Variants in ARHGEF3 observed in about 807,000 individuals in gnomAD.
ARHGEF3 encodes 59.8 kDA protein.
In ARHGEF3, 28 loss-of-function variants were observed where a neutral mutation model predicts 63.2. The observed-to-expected ratio is 0.44, with a 90% confidence interval of 0.33 to 0.61. The LOEUF (loss-of-function observed/expected upper bound fraction) is 0.61. Among genes scored for constraint, ARHGEF3 ranks in the 20% least tolerant of loss-of-function variants. The pLI, the probability that ARHGEF3 is intolerant of heterozygous loss-of-function variation, is 0.03. For synonymous variants in ARHGEF3, 266 were observed against 254.2 expected (o/e 1.05, Z -0.44); for missense variants, 533 against 659.3 (o/e 0.81, Z 2.10).
intron 4 of ARHGEF3, among the ~76,000 whole-genome samples, chr3:56,864,167 T>A (rs958601095): frequency 1.2e-4 from 18 of 152,104 alleles, no homozygotes. Flanking sequence ...GCCTAACACA[T>A]CCCCTTCCTA....
intron 1 of ARHGEF3, among the ~76,000 whole-genome samples, chr3:57,044,323 G>T (rs1367511069): frequency 6.6e-6 from 1 of 152,238 alleles, no homozygotes; most frequent in Non-Finnish European, 1.5e-5. Flanking sequence ...GTCCACTTGG[G>T]GGGGTTGGCC....
intron 2 of ARHGEF3, among the ~76,000 whole-genome samples, chr3:57,001,606 G>C (rs1228461115): frequency 1.3e-5 from 2 of 152,190 alleles, no homozygotes; most frequent in Non-Finnish European, 2.9e-5. Context: ...TGGGATTCCT[G>C]AAAGACTTTG....
At chr3:56,862,676 A>G (rs1371690228) in intron 4 of ARHGEF3, among the ~76,000 whole-genome samples, 5 of 152,014 alleles carry the variant, frequency 3.3e-5, no homozygotes, top group Non-Finnish European at 7.4e-5. Context: ...CTGCCATTAG[A>G]TTTTTTATTT....
intron 4 of ARHGEF3, among the ~76,000 whole-genome samples, chr3:56,880,135 G>C (rs2040718196): frequency 2.0e-5 from 3 of 152,170 alleles, no homozygotes. Flanking sequence ...ATAAATGGTG[G>C]AAACTCAGCC....
At position 56,729,148 on chromosome 3, in the gene ARHGEF3, G is replaced by A; in HGVS notation, c.*122C>T. 1.2e-6 allele frequency: 1 copy of A among 821,548 alleles called. No homozygotes were observed. The highest frequency in any genetic ancestry group is 1.9e-6 in the Non-Finnish European group (1 of 536,058). The allele number at this position is 821,548 out of a possible 1,614,324, so 50.9% of individuals were successfully genotyped here. A position where few individuals can be genotyped will look rare whatever the true frequency, so the allele number is the denominator to read the frequency against. On this transcript the variant is annotated 3_prime_UTR_variant, in exon 10 of 10. Transcript: ENST00000296315. Reference sequence around the variant, plus strand: ...GACAAAGGTACAGATACGAGAGACTGGGCCAACATGTATACTTTCACAAAA... The same window carrying A: ...GACAAAGGTACAGATACGAGAGACTAGGCCAACATGTATACTTTCACAAAA...
upstream of ARHGEF3, among the ~76,000 whole-genome samples, chr3:56,804,005 C>T (rs7628700): frequency 0.43 from 65,361 of 151,498 alleles, 16,985 homozygotes; most frequent in Non-Finnish European, 0.56. Flanking sequence ...CCACCTCAGC[C>T]TCCCAAGTAG....
At chr3:56,817,037 C>T (rs1461121685) in intron 4 of ARHGEF3, among the ~76,000 whole-genome samples, 1 of 152,092 alleles carries the variant, frequency 6.6e-6, no homozygotes, top group Non-Finnish European at 1.5e-5. Flanking sequence ...GGTGTCAACC[C>T]CAAGTGCTAG....
At chr3:56,989,836 C>T (rs1450653404) in intron 2 of ARHGEF3, among the ~76,000 whole-genome samples, 1 of 152,204 alleles carries the variant, frequency 6.6e-6, no homozygotes, top group Non-Finnish European at 1.5e-5. Flanking sequence ...ACCCCTTCAT[C>T]ACTTCACAGC....
chr3:56,843,376 C>T (rs1429052592), intron 4 of ARHGEF3, among the ~76,000 whole-genome samples: 3 of 152,160 alleles, frequency 2.0e-5, no homozygotes, highest in Non-Finnish European at 2.9e-5. Context: ...CCCCCTGCCT[C>T]AGCTCCCAGG....
intron 2 of ARHGEF3, among the ~76,000 whole-genome samples, chr3:56,994,725 C>T (rs1460869403): frequency 6.6e-6 from 1 of 152,140 alleles, no homozygotes; most frequent in Non-Finnish European, 1.5e-5. Context: ...TCCCACACTC[C>T]CCCGAATCCA....
At chr3:56,996,894 T>TATTATTATTATCA in intron 2 of ARHGEF3, among the ~76,000 whole-genome samples, 1 of 147,298 alleles carries the variant, frequency 6.8e-6, no homozygotes, top group South Asian at 2.1e-4. Context: ...ATTATTATTT[T>TATTATTATTATCA]TTTTTTTTTT....
intron 7 of ARHGEF3, among the ~76,000 whole-genome samples, chr3:56,742,450 T>C (rs918249661): frequency 2.0e-5 from 3 of 152,238 alleles, no homozygotes; most frequent in Non-Finnish European, 4.4e-5. Context: ...ATCATAGGTA[T>C]GAATGCAATC....
intron 2 of ARHGEF3, among the ~76,000 whole-genome samples, chr3:57,032,740 A>T (rs1703784575): frequency 6.6e-6 from 1 of 152,232 alleles, no homozygotes; most frequent in Non-Finnish European, 1.5e-5. Flanking sequence ...TGGATATAAA[A>T]GTAGGGAAAT....
Position 56,771,817 on chromosome 3 carries a change from A to T in ARHGEF3, c.204+1892T>A, listed in dbSNP as rs80279553. ...AATTTGGAGGTCTGACAATCAAGGA[A>T]GGAAATAATTGCAGAGTGAACTTGA... On this transcript the variant is annotated intron_variant, in intron 2 of 9. Coordinates refer to ENST00000296315, the MANE Select transcript of ARHGEF3 (RefSeq NM_019555.3). 9.6e-3 allele frequency among the ~76,000 whole-genome samples: 1,466 copies of T among 152,286 alleles called. 27 individuals carry two copies. The highest frequency in any genetic ancestry group is 0.033 in the African/African-American group (1,379 of 41,550).
chr3:56,792,053 C>A (rs1430943888), intron 1 of ARHGEF3, among the ~76,000 whole-genome samples: 1 of 145,112 alleles, frequency 6.9e-6, no homozygotes, highest in Admixed American at 7.2e-5. Flanking sequence ...TTGCAGTGAG[C>A]CAAGATCTTG....
chr3:56,743,560 G>A (rs1475428024), intron 7 of ARHGEF3, among the ~76,000 whole-genome samples: 6 of 152,000 alleles, frequency 3.9e-5, no homozygotes, highest in South Asian at 4.1e-4. Flanking sequence ...CTGTTGTGAC[G>A]GTTAAATGAG....
intron 2 of ARHGEF3, among the ~76,000 whole-genome samples, chr3:57,010,094 G>A (rs1579079300): frequency 1.3e-5 from 2 of 152,116 alleles, no homozygotes; most frequent in East Asian, 3.9e-4. Flanking sequence ...AGGCGCCACA[G>A]CACACATACC....
rs35984791 is a variant in ARHGEF3, at chr3:57,068,919, A to ATT, written c.-28+10305_-28+10306dup. On this transcript the variant is annotated intron_variant, in intron 1 of 12. Coordinates refer to the ARHGEF3 transcript ENST00000338458. ...GGAATCTGCTAAGGCAAAAGATCTG[A>ATT]TTTTTTTTTTTTTTTTTTCTGAGAC... Among the ~76,000 whole-genome samples the ATT allele has an allele frequency of 1.6e-3, 224 of 138,238 alleles. 2 individuals carry two copies. The highest frequency in any genetic ancestry group is 2.7e-3 in the African/African-American group (103 of 37,754). 90.7% of individuals were successfully genotyped at this position (138,238 alleles called of 152,430 possible). A position where few individuals can be genotyped will look rare whatever the true frequency, so the allele number is the denominator to read the frequency against.
chr3:56,941,463 C>T (rs1007184645), intron 3 of ARHGEF3, among the ~76,000 whole-genome samples: 1 of 152,232 alleles, frequency 6.6e-6, no homozygotes, highest in Non-Finnish European at 1.5e-5. Flanking sequence ...CTGCCTTGGC[C>T]TCCCAAAGTG....
Sources: gnomAD v4.1 joint callset for allele counts (sites outside exome capture counted in the v4.1 genomes callset) on GRCh38, gnomAD v4.1.1 for gene constraint, MANE v1.5 for transcripts, NCBI Gene and HGNC (gene_info 2026-07-23, HGNC 2026-07-21) for gene names.